Variants in PTPRQ observed in about 807,000 individuals in gnomAD.
The protein encoded by PTPRQ is protein tyrosine phosphatase receptor type Q.
A neutral mutation model predicts 246.0 loss-of-function variants in PTPRQ; 199 were observed. The ratio of observed to expected loss-of-function variants is 0.81; its 90% CI spans 0.72 to 0.91. PTPRQ has a LOEUF of 0.91. Ranked by LOEUF, PTPRQ falls within the 40% of genes least tolerant of loss-of-function variation. The pLI, the probability that PTPRQ is intolerant of heterozygous loss-of-function variation, is 0.00. For synonymous variants in PTPRQ, 869 were observed against 853.2 expected (o/e 1.02, Z -0.32); for missense variants, 2,624 against 2,528.4 (o/e 1.04, Z -0.81).
chr12:80,679,199 A>G lies in PTPRQ; in HGVS notation c.*176A>G. 1 of 606,930 alleles carries G rather than the reference A, an allele frequency of 1.6e-6. No individual in the cohort carries two copies. Among genetic ancestry groups the G allele is most frequent in the Non-Finnish European group, 2.5e-6 (1 of 394,300 alleles). 37.6% of individuals were successfully genotyped at this position (606,930 alleles called of 1,614,324 possible). A position where few individuals can be genotyped will look rare whatever the true frequency, so the allele number is the denominator to read the frequency against. ...ACTAGTTCTTGAAAATAGCTAATAC[A>G]GAATAATTATTTGTTTTGTACAGAA... On this transcript the variant is annotated 3_prime_UTR_variant, in exon 45 of 45. Transcript: ENST00000644991.
chr12:80,526,734 G>C (rs1302634575), intron 17 of PTPRQ, among the ~76,000 whole-genome samples: 1 of 151,966 alleles, frequency 6.6e-6, no homozygotes, highest in Admixed American at 6.6e-5. Flanking sequence ...TAAAGCAGGG[G>C]CTAACGTTGA....
intron 14 of PTPRQ, among the ~76,000 whole-genome samples, chr12:80,504,919 C>T (rs1242943455): frequency 1.3e-5 from 2 of 151,836 alleles, no homozygotes; most frequent in East Asian, 3.9e-4. Context: ...TCTCACTTCC[C>T]ATTTCCTGAG....
At chr12:80,490,108 G>A (rs776043990) in intron 9 of PTPRQ, among the ~76,000 whole-genome samples, 7 of 152,004 alleles carry the variant, frequency 4.6e-5, no homozygotes, top group Middle Eastern at 6.8e-3. Flanking sequence ...GAACATAAAC[G>A]GAGTCAAGAC....
intron 43 of PTPRQ, among the ~76,000 whole-genome samples, chr12:80,676,309 C>G (rs999819524): frequency 7.9e-5 from 12 of 152,260 alleles, no homozygotes; most frequent in Middle Eastern, 3.4e-3. Flanking sequence ...GTGTATAGCC[C>G]TTACCCAGGA....
chr12:80,654,446 T>G (rs1380430677), intron 38 of PTPRQ, among the ~76,000 whole-genome samples: 3 of 152,186 alleles, frequency 2.0e-5, no homozygotes, highest in Non-Finnish European at 4.4e-5. Context: ...CACCTAAATT[T>G]CATCCAGACT....
Position 80,669,086 on chromosome 12 carries a change from G to T in PTPRQ, c.6272G>T (p.Trp2091Leu), listed in dbSNP as rs1264827008. ...GTTGGAGATTTTTGGAGAATGGTGT[G>T]GGAAACCAGAGCAAAAACATTAGTA... ...GTVGDFWRMV[W>L]ETRAKTLVML... Residue 2091 changes from tryptophan to leucine, a missense_variant, in exon 40 of 45, where the codon TGG becomes TTG. By Grantham distance (61) the Trp-to-Leu change is moderately conservative. Coordinates refer to ENST00000644991, the MANE Select transcript of PTPRQ (RefSeq NM_001145026.2). 1.3e-6 allele frequency: 2 copies of T among 1,550,530 alleles called. No homozygotes were observed. The highest frequency in any genetic ancestry group is 8.7e-7 in the Non-Finnish European group (1 of 1,146,098).
At chr12:80,657,905 C>A in intron 38 of PTPRQ, 80 bp from the exon 39 acceptor site, 1 of 1,068,476 alleles carries the variant, frequency 9.4e-7, no homozygotes, top group African/African-American at 1.7e-5. Context: ...TTATGAACTC[C>A]TTTGTATTAC....
intron 10 of PTPRQ, 103 bp from the exon 11 acceptor site, chr12:80,494,830 T>A: frequency 8.3e-7 from 1 of 1,206,268 alleles, no homozygotes; most frequent in Non-Finnish European, 1.1e-6. Flanking sequence ...GATTAATGAA[T>A]ACGGAGAAAT....
chr12:80,526,118 G>T (rs1895678558), intron 17 of PTPRQ: 1 of 152,152 alleles, frequency 6.6e-6, no homozygotes, highest in African/African-American at 2.4e-5. Flanking sequence ...GATTTCCACA[G>T]TTCTATGCCC....
At chr12:80,449,326 G>A (rs1418794420) in intron 3 of PTPRQ, among the ~76,000 whole-genome samples, 3 of 152,144 alleles carry the variant, frequency 2.0e-5, no homozygotes, top group East Asian at 1.9e-4. Flanking sequence ...TTTTTGGGTT[G>A]CCTGTTCACT....
chr12:80,545,017 G>T (rs969784980), intron 23 of PTPRQ, among the ~76,000 whole-genome samples: 6 of 152,062 alleles, frequency 3.9e-5, no homozygotes, highest in Middle Eastern at 3.4e-3. Context: ...TTCTCTTTTT[G>T]ACAACATATT....
intron 37 of PTPRQ, among the ~76,000 whole-genome samples, chr12:80,650,007 G>A (rs2121224974): frequency 6.6e-6 from 1 of 152,112 alleles, no homozygotes; most frequent in South Asian, 2.1e-4. Context: ...CAAGGTTTAG[G>A]TCATACTATA....
intron 38 of PTPRQ, among the ~76,000 whole-genome samples, chr12:80,656,228 A>T (rs1271795546): frequency 1.3e-5 from 2 of 152,234 alleles, no homozygotes; most frequent in East Asian, 3.8e-4. Flanking sequence ...GTGATTACTA[A>T]CAATACAACT....
At chr12:80,471,926 A>G (rs1341241545) in intron 7 of PTPRQ, among the ~76,000 whole-genome samples, 179 bp from the exon 8 acceptor site, 1 of 152,166 alleles carries the variant, frequency 6.6e-6, no homozygotes, top group Non-Finnish European at 1.5e-5. Context: ...TTTTCATTAA[A>G]TTGATATCAG....
In PTPRQ at chr12:80,481,360, T is replaced by C. The variant is rs557859521; in HGVS notation, c.1187-3073T>C. ...TAAAAACTCTCAATAAATTAGGTAT[T>C]GATGGGACGTATTTCAAAATAATAA... On this transcript the variant is annotated intron_variant, in intron 8 of 44. Coordinates refer to ENST00000644991, the MANE Select transcript of PTPRQ (RefSeq NM_001145026.2). Among the ~76,000 whole-genome samples, 25 of 152,224 alleles carry C rather than the reference T, an allele frequency of 1.6e-4. No individual in the cohort carries two copies. The East Asian group carries it at 4.3e-3, about 26-fold the overall frequency.
Position 80,610,610 on chromosome 12 carries a change from A to G in PTPRQ, c.4903A>G (p.Thr1635Ala). 2 of 1,542,440 alleles carry G rather than the reference A, an allele frequency of 1.3e-6. No individual in the cohort carries two copies. Among genetic ancestry groups the G allele is most frequent in the South Asian group, 2.4e-5 (2 of 83,562 alleles). The change falls in exon 28 of 45, where the codon ACT (threonine) becomes GCT (alanine). Residue 1635 changes from threonine to alanine, a missense_variant. By Grantham distance (58) the Thr-to-Ala change is moderately conservative. Coordinates refer to ENST00000644991, the MANE Select transcript of PTPRQ (RefSeq NM_001145026.2). ...EGKSSAEMIV[T>A]TLESAPKDPP... ...GAAGTCAAGTGCTGAAATGATTGTT[A>G]CTACTTTAGAATCAGGTAAGGAGAA...
In PTPRQ at chr12:80,620,999, A is replaced by G. The variant is rs938983094; in HGVS notation, c.5612+623A>G. The stretch of plus-strand genomic sequence containing the variant: ...GATTATGTTATTTTTGTATTGTAAG[A>G]CTACAATTTTTAAAAGAATCATCTT... On this transcript the variant is annotated intron_variant, in intron 32 of 44. Coordinates refer to ENST00000644991, the MANE Select transcript of PTPRQ (RefSeq NM_001145026.2). Among the ~76,000 whole-genome samples, 5 of 151,830 alleles carry G rather than the reference A, an allele frequency of 3.3e-5. No homozygotes were observed. The South Asian group carries it at 6.2e-4, about 19-fold the overall frequency.
rs1212815154 is a variant in PTPRQ at position 80,510,397 on chromosome 12, C to T, written c.2632C>T (p.Pro878Ser). Residue 878 changes from proline (P) to serine (S), a missense_variant, in exon 17 of 45, where the codon CCC (proline) becomes TCC (serine). Coordinates refer to ENST00000644991, the MANE Select transcript of PTPRQ (RefSeq NM_001145026.2). The stretch of plus-strand genomic sequence containing the variant: ...CACGGTGAAGTTGTCATGGCAACCA[C>T]CCCTGGAGCCAAATGGAATTATCCT... ...GVTVKLSWQPPLEPNGIILYY... is the reference protein window; with the variant it reads ...GVTVKLSWQPSLEPNGIILYY... 2 of 1,550,262 alleles carry T rather than the reference C, an allele frequency of 1.3e-6. No individual in the cohort carries two copies. Among genetic ancestry groups the T allele is most frequent in the Non-Finnish European group, 1.7e-6 (2 of 1,146,110 alleles).
At chr12:80,542,945 A>T in intron 23 of PTPRQ, 64 bp downstream of exon 23, 1 of 1,159,570 alleles carries the variant, frequency 8.6e-7, no homozygotes, top group Non-Finnish European at 1.2e-6. Flanking sequence ...AAATCTTTTG[A>T]CATATAGGAG....
Sources: allele counts gnomAD v4.1 joint callset (sites outside exome capture counted in the v4.1 genomes callset), GRCh38; gene constraint gnomAD v4.1.1; transcripts MANE v1.5; gene names NCBI Gene and HGNC (gene_info 2026-07-23, HGNC 2026-07-21).